The following TF variants were observed in gnomAD, a reference collection of about 807,000 sequenced individuals.
The protein encoded by TF is transferrin.
A neutral mutation model predicts 82.4 loss-of-function variants in TF; 55 were observed. The ratio of observed to expected loss-of-function variants is 0.67; its 90% CI spans 0.54 to 0.84. The LOEUF is 0.84. TF is among the 40% of genes least tolerant of loss of function. TF has a pLI of 0.00. For missense variants in TF, 737 were observed against 868.4 expected (o/e 0.85, Z 1.90); for synonymous variants, 332 against 332.6 (o/e 1.00, Z 0.02).
rs1934693136 is a variant in TF, at chr3:133,786,585, T to C, written c.*7965T>C. ...GTCCTGACTTTACATCTAGTCTTTC[T>C]AGATGTTAAAGAGGTTGCTAGTGTA... is the stretch of plus-strand genomic sequence containing the variant. On this transcript the variant is annotated 3_prime_UTR_variant, in exon 17 of 17. Coordinates refer to ENST00000402696, the MANE Select transcript of TF (RefSeq NM_001063.4). 1 of 152,240 alleles carries C rather than the reference T, an allele frequency of 6.6e-6. No homozygotes were observed. Among genetic ancestry groups the C allele is most frequent in the African/African-American group, 2.4e-5 (1 of 41,474 alleles). 9.4% of individuals were successfully genotyped at this position (152,240 alleles called of 1,614,324 possible). A position where few individuals can be genotyped will look rare whatever the true frequency, so the allele number is the denominator to read the frequency against.
chr3:133,696,096 A>G, the TF span, among the ~76,000 whole-genome samples: 2 of 152,186 alleles, frequency 1.3e-5, no homozygotes, highest in Non-Finnish European at 2.9e-5. Context: ...GAGAGGCCAT[A>G]TTCACTTAAC....
At chr3:133,683,801 A>G in the TF span, among the ~76,000 whole-genome samples, 1 of 152,196 alleles carries the variant, frequency 6.6e-6, no homozygotes, top group Admixed American at 6.5e-5. Flanking sequence ...AACGAGACAG[A>G]AAGTTAACAA....
At chr3:133,750,190 GAA>G (rs1933620013) in intron 2 of TF, among the ~76,000 whole-genome samples, 1 of 152,190 alleles carries the variant, frequency 6.6e-6, no homozygotes, top group Non-Finnish European at 1.5e-5. Flanking sequence ...TTGAGTAGAA[GAA>G]ACAGGTACAT....
chr3:133,712,199 G>A, the TF span, among the ~76,000 whole-genome samples: 1 of 152,200 alleles, frequency 6.6e-6, no homozygotes. Flanking sequence ...CAGAGCCTGT[G>A]TCTGATTTCC....
chr3:133,746,552 C>G, intron 1 of TF, 69 bp downstream of exon 1: 1 of 1,521,534 alleles, frequency 6.6e-7, no homozygotes, highest in Middle Eastern at 2.3e-4. Flanking sequence ...CGGGCGGCCA[C>G]CGCGCAGCCT....
rs1934774587 is a variant in TF, at chr3:133,789,482, A to G, written c.*10862A>G. 6.6e-6 allele frequency: 1 copy of G among 152,248 alleles called. No individual in the cohort carries two copies. Among genetic ancestry groups the G allele is most frequent in the Non-Finnish European group, 1.5e-5 (1 of 68,054 alleles). The allele number at this position is 152,248 out of a possible 1,614,324, so 9.4% of individuals were successfully genotyped here. On this transcript the variant is annotated 3_prime_UTR_variant, in exon 17 of 17. Transcript: ENST00000402696. Reference sequence around the variant, plus strand: ...TCATTGGATTGCTTATTGGGTACACAAAGTAAAATTGGCAAGCTTGTATTG... The same window carrying G: ...TCATTGGATTGCTTATTGGGTACACGAAGTAAAATTGGCAAGCTTGTATTG...
chr3:133,714,701 T>C, the TF span, among the ~76,000 whole-genome samples: 11 of 152,132 alleles, frequency 7.2e-5, no homozygotes, highest in Non-Finnish European at 1.5e-4. Flanking sequence ...GTTTGTTTTT[T>C]TGATGGAGTC....
chr3:133,794,186 G>T lies in TF; in HGVS notation c.*15566G>T, dbSNP rs142393122. 2 of 152,102 alleles carry T rather than the reference G, an allele frequency of 1.3e-5. No homozygotes were observed. The highest frequency in any genetic ancestry group is 2.4e-5 in the African/African-American group (1 of 41,400). The allele number at this position is 152,102 out of a possible 1,614,324, so 9.4% of individuals were successfully genotyped here. A position where few individuals can be genotyped will look rare whatever the true frequency, so the allele number is the denominator to read the frequency against. ...ATGGCCACCTTGTCCTTCCTAAGTC[G>T]TTAAAGCTTTTGTTAGTAAAATTTC... On this transcript the variant is annotated 3_prime_UTR_variant, in exon 17 of 17. Coordinates refer to ENST00000402696, the MANE Select transcript of TF (RefSeq NM_001063.4).
At chr3:133,686,362 C>A in the TF span, among the ~76,000 whole-genome samples, 1 of 152,266 alleles carries the variant, frequency 6.6e-6, no homozygotes, top group Non-Finnish European at 1.5e-5. Flanking sequence ...TCTAATTAAA[C>A]TAAAGAACTT....
At chr3:133,751,395 G>A (rs917180857) in intron 2 of TF, among the ~76,000 whole-genome samples, 4 of 151,790 alleles carry the variant, frequency 2.6e-5, no homozygotes, top group African/African-American at 9.7e-5. Flanking sequence ...ACCATGCCCG[G>A]CTAATTTTTG....
the TF span, among the ~76,000 whole-genome samples, chr3:133,674,350 C>A: frequency 3.9e-5 from 6 of 152,202 alleles, no homozygotes; most frequent in East Asian, 9.6e-4. Context: ...GGTGCTGCCC[C>A]CTTCCCCGAA....
chr3:133,754,623 G>A lies in TF; in HGVS notation c.454G>A (p.Gly152Ser). The A allele has an allele frequency of 1.2e-6, 2 of 1,614,152 alleles. No individual in the cohort carries two copies. Among genetic ancestry groups the A allele is most frequent in the Non-Finnish European group, 1.7e-6 (2 of 1,180,028 alleles). Residue 152 changes from glycine to serine, a missense_variant, in exon 4 of 17, where the codon GGC (glycine) becomes AGC (serine). Transcript: ENST00000402696. ...GRSAGWNIPI[G>S]LLYCDLPEPR... ...GTCCGCTGGGTGGAACATCCCCATA[G>A]GCTTACTTTACTGTGACTTACCTGA...
chr3:133,766,188 T>C (rs1934121847), intron 11 of TF, 90 bp from the exon 12 acceptor site: 1 of 1,269,480 alleles, frequency 7.9e-7, no homozygotes, highest in East Asian at 2.3e-5. Flanking sequence ...ATTGAGGATA[T>C]CTTTGCTTCC....
the TF span, among the ~76,000 whole-genome samples, chr3:133,711,661 C>A: frequency 6.6e-6 from 1 of 152,190 alleles, no homozygotes; most frequent in Non-Finnish European, 1.5e-5. Context: ...GAGCCTGCCA[C>A]CTGAACTCCA....
intron 8 of TF, 133 bp from the exon 9 acceptor site, chr3:133,759,042 A>T: frequency 1.7e-6 from 2 of 1,167,378 alleles, no homozygotes; most frequent in Non-Finnish European, 2.6e-6. Flanking sequence ...TAAGGTGATT[A>T]ATTCCTTGAA....
chr3:133,698,810 C>G, the TF span, among the ~76,000 whole-genome samples: 24 of 152,310 alleles, frequency 1.6e-4, no homozygotes, highest in Middle Eastern at 6.8e-3. Flanking sequence ...TTTTCAATAC[C>G]TAGACAATGG....
At chr3:133,743,747 T>C (rs1196759732), upstream of TF, among the ~76,000 whole-genome samples, 1 of 152,130 alleles carries the variant, frequency 6.6e-6, no homozygotes, top group African/African-American at 2.4e-5. Context: ...ATCTCTGGTA[T>C]AGAATTAAAG....
chr3:133,709,792 C>T, the TF span: 20 of 152,526 alleles, frequency 1.3e-4, no homozygotes, highest in African/African-American at 4.8e-4. Context: ...AAGAGCTTGA[C>T]AGAAATTGTG....
chr3:133,778,111 A>G (rs1934440400), intron 16 of TF: 1 of 169,986 alleles, frequency 5.9e-6, no homozygotes, highest in South Asian at 1.5e-4. Flanking sequence ...TAGGTTCGCT[A>G]TTGTGAGAAT....
Sources: gnomAD v4.1 joint callset for allele counts (sites outside exome capture counted in the v4.1 genomes callset) on GRCh38, gnomAD v4.1.1 for gene constraint, MANE v1.5 for transcripts, NCBI Gene and HGNC (gene_info 2026-07-23, HGNC 2026-07-21) for gene names.